Variants in ADARB2 observed in about 807,000 individuals in gnomAD.
The protein encoded by ADARB2 is inactive double-stranded RNA-specific editase B2.
A neutral mutation model predicts 62.2 loss-of-function variants in ADARB2; 25 were observed. The observed-to-expected ratio is 0.40, with a 90% CI of 0.29 to 0.56. The LOEUF (loss-of-function observed/expected upper bound fraction) is 0.56. Among genes scored for constraint, ADARB2 ranks in the 20% least tolerant of loss-of-function variants. The pLI is 0.43. For synonymous variants in ADARB2, 572 were observed against 500.8 expected (o/e 1.14, Z -1.90); for missense variants, 1,071 against 1,077.4 (o/e 0.99, Z 0.08).
intron 1 of ADARB2, among the ~76,000 whole-genome samples, chr10:1,380,420 A>G (rs569602542): frequency 9.0e-4 from 137 of 152,390 alleles, no homozygotes; most frequent in African/African-American, 3.2e-3. Flanking sequence ...ATCACCCTGT[A>G]ACAAGGACGG....
intron 1 of ADARB2, among the ~76,000 whole-genome samples, chr10:1,524,834 T>A (rs1832120622): frequency 6.6e-6 from 1 of 152,120 alleles, no homozygotes; most frequent in Admixed American, 6.6e-5. Context: ...TGTAATTCTA[T>A]GTTGAGAATA....
chr10:1,316,411 G>A (rs1831740354), intron 3 of ADARB2, among the ~76,000 whole-genome samples: 1 of 152,232 alleles, frequency 6.6e-6, no homozygotes, highest in African/African-American at 2.4e-5. Context: ...GTTGCTGCAG[G>A]ACTCCTGTGA....
chr10:1,299,887 A>C (rs1433953305), intron 3 of ADARB2, among the ~76,000 whole-genome samples: 3 of 152,200 alleles, frequency 2.0e-5, no homozygotes, highest in African/African-American at 7.2e-5. Flanking sequence ...CTCCAAGTGA[A>C]TAAAGTGCAG....
At chr10:1,293,966 T>A (rs75960786) in intron 3 of ADARB2, among the ~76,000 whole-genome samples, 4,684 of 151,830 alleles carry the variant, frequency 0.031, 273 homozygotes, top group African/African-American at 0.11. Context: ...CATCTGTGGC[T>A]TGCAGGGGGG....
At chr10:1,467,369 AT>A (rs1831266607) in intron 1 of ADARB2, among the ~76,000 whole-genome samples, 1 of 152,208 alleles carries the variant, frequency 6.6e-6, no homozygotes, top group South Asian at 2.1e-4. Flanking sequence ...TCAAGAGCTA[AT>A]TAAGCCACTG....
At chr10:1,585,901 G>T (rs536425100) in intron 1 of ADARB2, among the ~76,000 whole-genome samples, 1 of 152,150 alleles carries the variant, frequency 6.6e-6, no homozygotes, top group Non-Finnish European at 1.5e-5. Context: ...GGGTGGGGTG[G>T]CGGGCGGCTG....
intron 5 of ADARB2, among the ~76,000 whole-genome samples, chr10:1,234,809 T>G (rs1329076322): frequency 7.7e-6 from 1 of 129,176 alleles, no homozygotes; most frequent in Non-Finnish European, 1.6e-5. Flanking sequence ...AGTGCAGTGG[T>G]GCAATCTTGG....
At chr10:1,223,676 A>C (rs940923027) in intron 6 of ADARB2, among the ~76,000 whole-genome samples, 7 of 152,160 alleles carry the variant, frequency 4.6e-5, no homozygotes, top group Non-Finnish European at 1.0e-4. Context: ...ATCTATTGAG[A>C]TAATCATGTG....
chr10:1,665,099 TTAAG>T (rs1199146991), intron 1 of ADARB2, among the ~76,000 whole-genome samples: 3 of 152,176 alleles, frequency 2.0e-5, no homozygotes, highest in African/African-American at 7.2e-5. Context: ...ACTTCTTGTA[TTAAG>T]TTTCACTTTT....
At chr10:1,719,751 T>C (rs1344229900) in intron 1 of ADARB2, among the ~76,000 whole-genome samples, 1 of 152,068 alleles carries the variant, frequency 6.6e-6, no homozygotes, top group African/African-American at 2.4e-5. Flanking sequence ...AAACACGTTC[T>C]CTAAAGAAGA....
intron 6 of ADARB2, among the ~76,000 whole-genome samples, chr10:1,227,910 G>T (rs1244450676): frequency 6.6e-6 from 1 of 152,156 alleles, no homozygotes; most frequent in African/African-American, 2.4e-5. Flanking sequence ...GTCCACGTGG[G>T]TGCACTTTGC....
At chr10:1,690,713 G>T (rs1459203251) in intron 1 of ADARB2, among the ~76,000 whole-genome samples, 1 of 152,114 alleles carries the variant, frequency 6.6e-6, no homozygotes, top group African/African-American at 2.4e-5. Context: ...GAAGCCCAAG[G>T]CCTGCTGACT....
At chr10:1,368,111 C>T (rs1018834375) in intron 2 of ADARB2, among the ~76,000 whole-genome samples, 3 of 151,976 alleles carry the variant, frequency 2.0e-5, no homozygotes, top group South Asian at 2.1e-4. Context: ...CACAGCCCAG[C>T]GGTGGCCTCT....
At chr10:1,675,322 T>C (rs1406541821) in intron 1 of ADARB2, 1 of 980,694 alleles carries the variant, frequency 1.0e-6, no homozygotes, top group Non-Finnish European at 1.2e-6. Context: ...CGGGGATGCA[T>C]GAATGTTCTG....
chr10:1,268,853 A>G (rs975410091), intron 4 of ADARB2, among the ~76,000 whole-genome samples: 2 of 152,228 alleles, frequency 1.3e-5, no homozygotes, highest in African/African-American at 4.8e-5. Flanking sequence ...CTACACATAA[A>G]GCATTGTATT....
At chr10:1,448,811 T>TA (rs1831001435) in intron 1 of ADARB2, among the ~76,000 whole-genome samples, 1 of 152,060 alleles carries the variant, frequency 6.6e-6, no homozygotes, top group South Asian at 2.1e-4. Flanking sequence ...TGGACTGTAA[T>TA]ACTAACTTTA....
intron 3 of ADARB2, among the ~76,000 whole-genome samples, chr10:1,279,837 C>T (rs553726976): frequency 2.1e-4 from 32 of 152,282 alleles, no homozygotes; most frequent in African/African-American, 4.8e-4. Context: ...CCGTGGTTCA[C>T]GGCTGGAGGG....
intron 1 of ADARB2, among the ~76,000 whole-genome samples, chr10:1,688,961 A>G (rs1360589270): frequency 6.6e-6 from 1 of 152,228 alleles, no homozygotes; most frequent in Non-Finnish European, 1.5e-5. Context: ...AAAATAAGTC[A>G]TGTTACTTCC....
At chr10:1,274,695 T>C (rs1046453059) in intron 3 of ADARB2, among the ~76,000 whole-genome samples, 3 of 152,230 alleles carry the variant, frequency 2.0e-5, no homozygotes, top group Non-Finnish European at 2.9e-5. Flanking sequence ...CAACAGGGAC[T>C]CATTCTGAGC....
Sources: allele counts gnomAD v4.1 joint callset (sites outside exome capture counted in the v4.1 genomes callset), GRCh38; gene constraint gnomAD v4.1.1; transcripts MANE v1.5; gene names NCBI Gene and HGNC (gene_info 2026-07-23, HGNC 2026-07-21).